Variants in CEMIP observed in about 807,000 individuals in gnomAD.
CEMIP encodes cell migration inducing hyaluronidase 1, also known as cell migration-inducing and hyaluronan-binding protein.
A neutral mutation model predicts 156.9 loss-of-function variants in CEMIP; 105 were observed. The observed-to-expected ratio is 0.67, with a 90% CI of 0.57 to 0.79. The LOEUF is 0.79. CEMIP is among the 30% of genes least tolerant of loss of function. CEMIP has a pLI of 0.00. For synonymous variants in CEMIP, 676 were observed against 668.4 expected (o/e 1.01, Z -0.17); for missense variants, 1,457 against 1,769.4 (o/e 0.82, Z 3.17).
chr15:80,922,038 C>T lies in CEMIP; in HGVS notation c.2103C>T (p.His701=), dbSNP rs746104196. ...EETGFWFIFH[H]VPTGPSVGMY... is the part of the protein sequence containing the mutation. ...CTGGATTTTGGTTTATTTTTCACCA[C>T]GTACCAACGGGCCCCTCCGTGGGAA... The change falls in exon 17 of 30, where the codon CAC becomes CAT. Residue 701 remains histidine, a synonymous_variant. Transcript: ENST00000394685. 20 of 1,614,146 alleles carry T rather than the reference C, an allele frequency of 1.2e-5. No homozygotes were observed. Among genetic ancestry groups the T allele is most frequent in the African/African-American group, 9.3e-5 (7 of 74,954 alleles).
At position 80,894,910 on chromosome 15, in the gene CEMIP, A is replaced by G. The variant is rs1773344080; in HGVS notation, c.1087-80A>G. ...GGGACAATTTTAGACTTCTGAGTAT[A>G]TGTTTAGAACATTAATCAGCACCTT... On this transcript the variant is annotated intron_variant, in intron 10 of 29. Transcript: ENST00000394685. 2.0e-6 allele frequency: 3 copies of G among 1,533,502 alleles called. No individual in the cohort carries two copies. The African/African-American group carries it at 4.1e-5, about 21-fold the overall frequency. 95.0% of individuals were successfully genotyped at this position (1,533,502 alleles called of 1,614,324 possible). A position where few individuals can be genotyped will look rare whatever the true frequency, so the allele number is the denominator to read the frequency against.
At chr15:80,864,505 T>C (rs1481705334) in intron 1 of CEMIP, among the ~76,000 whole-genome samples, 1 of 152,236 alleles carries the variant, frequency 6.6e-6, no homozygotes, top group Non-Finnish European at 1.5e-5. Flanking sequence ...CTGACCTTTA[T>C]GGAGTCTTCA....
chr15:80,936,717 T>C lies in CEMIP; in HGVS notation c.3053T>C (p.Ile1018Thr). ...AYKTSNLRMK[I>T]IKNDFPSHPL... ...AAGACCAGTAACCTGCGAATGAAGA[T>C]CATCAAGAATGACTTCCCCAGCCAC... is the stretch of plus-strand genomic sequence containing the variant. Residue 1018 changes from isoleucine (I) to threonine (T), a missense_variant, in exon 24 of 30, where the codon ATC becomes ACC. By Grantham distance (89) the Ile-to-Thr change is moderately conservative. Coordinates refer to ENST00000394685, the MANE Select transcript of CEMIP (RefSeq NM_001293298.2). The C allele has an allele frequency of 6.2e-7, 1 of 1,614,150 alleles. No homozygotes were observed. Among genetic ancestry groups the C allele is most frequent in the Non-Finnish European group, 8.5e-7 (1 of 1,180,034 alleles).
At chr15:80,780,798 C>T (rs890424588) in intron 1 of CEMIP, among the ~76,000 whole-genome samples, 1 of 152,148 alleles carries the variant, frequency 6.6e-6, no homozygotes, top group African/African-American at 2.4e-5. Flanking sequence ...CAGCTCCCAG[C>T]CACTTCCTCC....
intron 1 of CEMIP, among the ~76,000 whole-genome samples, chr15:80,802,941 C>T (rs192235946): frequency 6.6e-6 from 1 of 152,306 alleles, no homozygotes; most frequent in East Asian, 1.9e-4. Flanking sequence ...GTTTGGGCTG[C>T]TATAACAAAG....
Position 80,924,712 on chromosome 15 carries a change from C to T in CEMIP, c.2288+6C>T, listed in dbSNP as rs1900594670. 1 of 1,613,758 alleles carries T rather than the reference C, an allele frequency of 6.2e-7. No homozygotes were observed. Among genetic ancestry groups the T allele is most frequent in the East Asian group, 2.2e-5 (1 of 44,886 alleles). The stretch of plus-strand genomic sequence containing the variant: ...CTCTCAATCATCTCTGCCAGGTAAT[C>T]AGCCATTGGGAAGACACAGTCCACG... On this transcript the variant is annotated splice_donor_region_variant and intron_variant, in intron 18 of 29. Coordinates refer to ENST00000394685, the MANE Select transcript of CEMIP (RefSeq NM_001293298.2).
Position 80,951,368 on chromosome 15 carries a change from T to G in CEMIP, c.*2444T>G, listed in dbSNP as rs1901817878. 1 of 152,624 alleles carries G rather than the reference T, an allele frequency of 6.6e-6. No individual in the cohort carries two copies. The highest frequency in any genetic ancestry group is 6.5e-5 in the Admixed American group (1 of 15,286). 9.5% of individuals were successfully genotyped at this position (152,624 alleles called of 1,614,324 possible). A position where few individuals can be genotyped will look rare whatever the true frequency, so the allele number is the denominator to read the frequency against. The stretch of plus-strand genomic sequence containing the variant: ...ACCAAGAGCCAATATCTAGGCATTT[T>G]CTTGGTAGCACAAATTTTCTTATTG... On this transcript the variant is annotated 3_prime_UTR_variant, in exon 30 of 30. Coordinates refer to ENST00000394685, the MANE Select transcript of CEMIP (RefSeq NM_001293298.2).
intron 1 of CEMIP, among the ~76,000 whole-genome samples, chr15:80,817,763 G>A (rs1355360753): frequency 6.6e-6 from 1 of 151,994 alleles, no homozygotes; most frequent in African/African-American, 2.4e-5. Context: ...GCAAATTGTG[G>A]CTTTATTCTT....
chr15:80,810,545 T>G (rs1004883086), intron 1 of CEMIP, among the ~76,000 whole-genome samples: 5 of 152,182 alleles, frequency 3.3e-5, no homozygotes, highest in Non-Finnish European at 5.9e-5. Flanking sequence ...TTTTTTGTAT[T>G]TTTAGTAGAG....
chr15:80,895,029 G>C lies in CEMIP; in HGVS notation c.1126G>C (p.Val376Leu). ...MDGVNLSTEVVYKKGQDYRFA... is the reference protein window; with the variant it reads ...MDGVNLSTEVLYKKGQDYRFA... The stretch of plus-strand genomic sequence containing the variant: ...TGGAGTTAACCTCAGCACCGAGGTT[G>C]TCTACAAAAAAGGCCAGGATTATAG... The change falls in exon 11 of 30, where the codon GTC becomes CTC. Residue 376 changes from valine (V) to leucine (L), a missense_variant. Physicochemically the swap from Val to Leu is conservative, Grantham distance 32 (BLOSUM62 1). Coordinates refer to ENST00000394685, the MANE Select transcript of CEMIP (RefSeq NM_001293298.2). 1 of 1,614,150 alleles carries C rather than the reference G, an allele frequency of 6.2e-7. No individual in the cohort carries two copies. The highest frequency in any genetic ancestry group is 8.5e-7 in the Non-Finnish European group (1 of 1,179,990).
In CEMIP at chr15:80,848,928, C is replaced by CACACACACACACACACACA. The variant is rs1284211292; in HGVS notation, c.-175-24610_-175-24609insACACACACACACACACACA. 2.6e-3 allele frequency among the ~76,000 whole-genome samples: 44 copies of CACACACACACACACACACA among 17,016 alleles called. 3 individuals carry two copies. In the South Asian group the frequency reaches 0.055, roughly 21 times the overall value. The allele number at this position is 17,016 out of a possible 152,430, so 11.2% of individuals were successfully genotyped here. A position where few individuals can be genotyped will look rare whatever the true frequency, so the allele number is the denominator to read the frequency against. The stretch of plus-strand genomic sequence containing the variant: ...CACACACACACACACACACACACAC[C>CACACACACACACACACACA]CTGGCTTCAGGGATCTCTTTAGAAA... On this transcript the variant is annotated intron_variant, in intron 1 of 29. Coordinates refer to ENST00000394685, the MANE Select transcript of CEMIP (RefSeq NM_001293298.2).
At chr15:80,843,832 A>G (rs992054534) in intron 1 of CEMIP, among the ~76,000 whole-genome samples, 3 of 152,108 alleles carry the variant, frequency 2.0e-5, no homozygotes, top group African/African-American at 7.2e-5. Flanking sequence ...GTCAAAAGAC[A>G]GGTCTGCCCC....
At chr15:80,820,411 C>T (rs1429754335) in intron 1 of CEMIP, among the ~76,000 whole-genome samples, 1 of 152,212 alleles carries the variant, frequency 6.6e-6, no homozygotes, top group Non-Finnish European at 1.5e-5. Flanking sequence ...GATGCGTATG[C>T]TCTCCTGGGG....
intron 11 of CEMIP, among the ~76,000 whole-genome samples, chr15:80,895,651 T>C (rs1328668966): frequency 1.3e-5 from 2 of 152,078 alleles, no homozygotes; most frequent in Non-Finnish European, 2.9e-5. Flanking sequence ...AGTGGAAAAT[T>C]CCCCCGCCCA....
intron 1 of CEMIP, among the ~76,000 whole-genome samples, chr15:80,800,488 T>C (rs1881047672): frequency 6.6e-6 from 1 of 152,204 alleles, no homozygotes; most frequent in Non-Finnish European, 1.5e-5. Context: ...GTACTTAATA[T>C]TGGCTGAGGC....
At chr15:80,862,465 C>T (rs927558208) in intron 1 of CEMIP, among the ~76,000 whole-genome samples, 2 of 152,166 alleles carry the variant, frequency 1.3e-5, no homozygotes, top group East Asian at 3.9e-4. Flanking sequence ...ACCCAGCTAC[C>T]AGAGCAGCAT....
chr15:80,826,331 G>A (rs1897037213), intron 1 of CEMIP, among the ~76,000 whole-genome samples: 1 of 152,164 alleles, frequency 6.6e-6, no homozygotes, highest in Admixed American at 6.5e-5. Flanking sequence ...CCTTCCTGGT[G>A]CATAGTAACC....
At chr15:80,948,107 C>T (rs930912114) in intron 29 of CEMIP, 1 of 153,078 alleles carries the variant, frequency 6.5e-6, no homozygotes, top group South Asian at 2.1e-4. Context: ...ATTAAGATCC[C>T]GGTTGCCAAA....
intron 1 of CEMIP, among the ~76,000 whole-genome samples, chr15:80,854,621 T>C (rs748150652): frequency 1.3e-4 from 20 of 152,196 alleles, no homozygotes; most frequent in Non-Finnish European, 2.8e-4. Context: ...GTAAGAGAGT[T>C]AACTGCAAAC....
Sources: gnomAD v4.1 joint callset for allele counts (sites outside exome capture counted in the v4.1 genomes callset) on GRCh38, gnomAD v4.1.1 for gene constraint, MANE v1.5 for transcripts, NCBI Gene and HGNC (gene_info 2026-07-23, HGNC 2026-07-21) for gene names.